The following PCDH15 variants were observed in gnomAD, a reference collection of about 807,000 sequenced individuals.
The protein encoded by PCDH15 is protocadherin related 15, also known as protocadherin-15.
Under a neutral mutation model 178.5 loss-of-function variants are expected in PCDH15, and 129 were observed. That is an observed-to-expected ratio of 0.72 (90% CI 0.63 to 0.84). The LOEUF is 0.84. PCDH15 is among the 40% of genes least tolerant of loss of function. The pLI is 0.00. For missense variants in PCDH15, 2,230 were observed against 2,099.9 expected, an observed-to-expected ratio of 1.06 and a Z score of -1.21; for synonymous variants, 800 against 732.0, an observed-to-expected ratio of 1.09 and a Z score of -1.50.
intron 32 of PCDH15, chr10:53,823,636 T>C: frequency 2.0e-6 from 1 of 509,388 alleles, no homozygotes; most frequent in Non-Finnish European, 3.7e-6. Flanking sequence ...GTTTTTGTTT[T>C]TTTTCAGCTA....
chr10:53,969,296 G>A (rs2089405868), intron 21 of PCDH15, among the ~76,000 whole-genome samples: 2 of 152,112 alleles, frequency 1.3e-5, no homozygotes, highest in African/African-American at 4.8e-5. Context: ...AGTAAGAAGA[G>A]AAGTTTAGAG....
At chr10:54,551,206 A>C (rs900699962) in intron 2 of PCDH15, among the ~76,000 whole-genome samples, 2 of 151,680 alleles carry the variant, frequency 1.3e-5, no homozygotes, top group Non-Finnish European at 2.9e-5. Flanking sequence ...GTAAACATAA[A>C]AATTATCACA....
At chr10:53,855,213 G>T (rs755424101) in intron 28 of PCDH15, among the ~76,000 whole-genome samples, 6 of 151,946 alleles carry the variant, frequency 3.9e-5, no homozygotes, top group Non-Finnish European at 8.8e-5. Flanking sequence ...AATAACATTA[G>T]ATAATGCTTT....
Position 53,831,182 on chromosome 10 carries a change from TAGAC to T in PCDH15, c.4202+129_4202+132del, listed in dbSNP as rs59637951. The T allele has an allele frequency of 0.42, 367,632 of 883,128 alleles. 80,052 individuals carry two copies. The highest frequency in any genetic ancestry group is 0.79 in the East Asian group (32,654 of 41,414). 54.7% of individuals were successfully genotyped at this position (883,128 alleles called of 1,614,324 possible). On this transcript the variant is annotated intron_variant, in intron 30 of 37. Transcript: ENST00000644397. ...TTGAAGAAAATCATTTGGTACGAGA[TAGAC>T]AGACAGATAAAGCAATCTCAGAGTA...
chr10:54,633,157 T>A (rs1268983217), intron 2 of PCDH15, among the ~76,000 whole-genome samples: 3 of 151,468 alleles, frequency 2.0e-5, no homozygotes, highest in Non-Finnish European at 4.4e-5. Flanking sequence ...GTGGAAGGAG[T>A]TAAATGATTT....
intron 2 of PCDH15, among the ~76,000 whole-genome samples, chr10:54,662,449 A>C (rs1393045072): frequency 6.6e-6 from 1 of 152,000 alleles, no homozygotes; most frequent in Admixed American, 6.6e-5. Flanking sequence ...AGTATAGTAC[A>C]TTAAAGTCAG....
At chr10:55,175,298 G>C (rs1839448189) in intron 1 of PCDH15, among the ~76,000 whole-genome samples, 1 of 152,064 alleles carries the variant, frequency 6.6e-6, no homozygotes, top group Non-Finnish European at 1.5e-5. Flanking sequence ...GAGAGTCCTT[G>C]GTAAAGCATG....
intron 7 of PCDH15, among the ~76,000 whole-genome samples, chr10:54,327,718 T>C (rs988373053): frequency 2.0e-5 from 3 of 152,030 alleles, no homozygotes; most frequent in African/African-American, 7.2e-5. Flanking sequence ...ATTTTCCTTT[T>C]AGCATCCCCT....
At chr10:55,038,395 C>T (rs1840787420) in intron 2 of PCDH15, among the ~76,000 whole-genome samples, 1 of 152,034 alleles carries the variant, frequency 6.6e-6, no homozygotes, top group Non-Finnish European at 1.5e-5. Flanking sequence ...ATTTAAAATG[C>T]AATATTTTAA....
At position 54,777,765 on chromosome 10, in the gene PCDH15, G is replaced by C. The variant is rs371489891; in HGVS notation, c.-29+23160C>G. On this transcript the variant is annotated intron_variant, in intron 1 of 37. Transcript: ENST00000644397. ...TACTTATTTGAAGAATAATTGAAAA[G>C]AAAAAAATTGAGAAAATTAAAACAG... 6.6e-5 allele frequency among the ~76,000 whole-genome samples: 10 copies of C among 151,880 alleles called. No homozygotes were observed. The South Asian group carries it at 1.9e-3, about 28-fold the overall frequency.
chr10:54,551,048 G>C (rs925116056), intron 2 of PCDH15, among the ~76,000 whole-genome samples: 1 of 150,352 alleles, frequency 6.7e-6, no homozygotes, highest in Non-Finnish European at 1.5e-5. Context: ...CTCAGGACTA[G>C]AGTGGACGAG....
chr10:54,599,175 C>T (rs2092398563), intron 2 of PCDH15, among the ~76,000 whole-genome samples: 1 of 151,810 alleles, frequency 6.6e-6, no homozygotes, highest in Admixed American at 6.6e-5. Context: ...CATATGGAAC[C>T]AAAAACATAG....
At chr10:54,274,241 C>T (rs1591533022) in intron 8 of PCDH15, among the ~76,000 whole-genome samples, 1 of 151,924 alleles carries the variant, frequency 6.6e-6, no homozygotes, top group Non-Finnish European at 1.5e-5. Context: ...CACCATGATA[C>T]GAGTTTACGT....
intron 2 of PCDH15, among the ~76,000 whole-genome samples, chr10:55,588,599 A>G (rs1203930139): frequency 6.6e-6 from 1 of 152,134 alleles, no homozygotes; most frequent in Non-Finnish European, 1.5e-5. Flanking sequence ...GTGCCATGTG[A>G]GAATATTTGA....
intron 2 of PCDH15, among the ~76,000 whole-genome samples, chr10:55,501,017 C>A (rs1316770246): frequency 6.6e-6 from 1 of 151,588 alleles, no homozygotes; most frequent in Non-Finnish European, 1.5e-5. Context: ...GCAGATGTGA[C>A]CTTATTTGAA....
At chr10:54,684,775 T>C (rs903890548) in intron 1 of PCDH15, among the ~76,000 whole-genome samples, 2 of 150,266 alleles carry the variant, frequency 1.3e-5, no homozygotes, top group East Asian at 3.9e-4. Flanking sequence ...TTTCCAGCGT[T>C]ACTCCAGGTC....
chr10:53,865,293 A>T (rs192245631), intron 27 of PCDH15, among the ~76,000 whole-genome samples: 1 of 152,294 alleles, frequency 6.6e-6, no homozygotes, highest in African/African-American at 2.4e-5. Context: ...TATAATTGGT[A>T]ATGCATTATA....
chr10:54,617,035 TTTTTA>T (rs1304047519), intron 2 of PCDH15, among the ~76,000 whole-genome samples: 3 of 148,672 alleles, frequency 2.0e-5, no homozygotes, highest in African/African-American at 7.3e-5. Flanking sequence ...AAACATGACG[TTTTTA>T]TTTTTATTTT....
intron 1 of PCDH15, among the ~76,000 whole-genome samples, chr10:54,796,222 T>TTATCTATCTATCTATC (rs59479208): frequency 1.2e-4 from 15 of 125,246 alleles, no homozygotes; most frequent in East Asian, 2.3e-4. Flanking sequence ...TCTTTCTACA[T>TTATCTATCTATCTATC]TATCTATCTA....
Sources: gnomAD v4.1 joint callset for allele counts (sites outside exome capture counted in the v4.1 genomes callset) on GRCh38, gnomAD v4.1.1 for gene constraint, MANE v1.5 for transcripts, NCBI Gene and HGNC (gene_info 2026-07-23, HGNC 2026-07-21) for gene names.